TRAT1: variants seen among roughly 807,000 people sequenced by gnomAD.
The protein encoded by TRAT1 is T-cell receptor-associated transmembrane adapter 1.
A neutral mutation model predicts 20.0 loss-of-function variants in TRAT1; 20 were observed. The ratio of observed to expected loss-of-function variants is 1.00; its 90% confidence interval spans 0.70 to 1.45. The LOEUF (loss-of-function observed/expected upper bound fraction) is 1.45. TRAT1 is among the 40% of genes most tolerant of loss of function. The pLI is 0.00. For missense variants in TRAT1, 237 were observed against 224.1 expected, an observed-to-expected ratio of 1.06 and a Z score of -0.37; for synonymous variants, 77 against 74.2, an observed-to-expected ratio of 1.04 and a Z score of -0.20.
intron 1 of TRAT1, among the ~76,000 whole-genome samples, chr3:108,829,616 C>CACACACACACACACA (rs1204012891): frequency 6.6e-6 from 1 of 151,700 alleles, no homozygotes; most frequent in Non-Finnish European, 1.5e-5. Flanking sequence ...CACACACACA[C>CACACACACACACACA]AACGTTTTGG....
chr3:108,849,040 A>G (rs1163658303), intron 4 of TRAT1, 126 bp from the exon 5 acceptor site: 13 of 776,360 alleles, frequency 1.7e-5, no homozygotes, highest in Admixed American at 1.4e-4. Context: ...CTCCACCAAA[A>G]AGACTAGTTA....
chr3:108,823,979 C>T (rs1945714826), intron 1 of TRAT1, among the ~76,000 whole-genome samples: 1 of 152,006 alleles, frequency 6.6e-6, no homozygotes, highest in African/African-American at 2.4e-5. Flanking sequence ...TCAAGCGATT[C>T]TCCTGCCTCA....
At chr3:108,827,140 T>G (rs1576517215) in intron 1 of TRAT1, among the ~76,000 whole-genome samples, 2 of 152,310 alleles carry the variant, frequency 1.3e-5, no homozygotes, top group East Asian at 3.9e-4. Context: ...ACAGTGTAAA[T>G]AGCTGAATTC....
At chr3:108,849,120 A>G (rs764384998) in intron 4 of TRAT1, 46 bp from the exon 5 acceptor site, 17 of 1,517,848 alleles carry the variant, frequency 1.1e-5, no homozygotes, top group Non-Finnish European at 1.5e-5. Flanking sequence ...TCATACTAGT[A>G]TTTTTAAATT....
chr3:108,822,840 C>T lies in TRAT1; in HGVS notation c.-88C>T. ...TGCTGCTTTTAACATAACAGAGCAA[C>T]ATCACCTAGGAAAAAAGTTTGTAGG... On this transcript the variant is annotated 5_prime_UTR_variant, in exon 1 of 6. Transcript: ENST00000295756. The T allele has an allele frequency of 8.8e-7, 1 of 1,138,862 alleles. No homozygotes were observed. Among genetic ancestry groups the T allele is most frequent in the Non-Finnish European group, 1.3e-6 (1 of 757,008 alleles). 70.5% of individuals were successfully genotyped at this position (1,138,862 alleles called of 1,614,324 possible). A position where few individuals can be genotyped will look rare whatever the true frequency, so the allele number is the denominator to read the frequency against.
intron 3 of TRAT1, among the ~76,000 whole-genome samples, chr3:108,841,101 T>C (rs1945893410): frequency 6.6e-6 from 1 of 152,234 alleles, no homozygotes; most frequent in African/African-American, 2.4e-5. Context: ...CATTCTACAG[T>C]TATTCTTAAA....
chr3:108,836,941 T>C lies in TRAT1; in HGVS notation c.119-1993T>C, dbSNP rs531725717. 3.3e-5 allele frequency among the ~76,000 whole-genome samples: 5 copies of C among 152,308 alleles called. 1 individual carries two copies. In the South Asian group the frequency reaches 6.2e-4, roughly 19 times the overall value. On this transcript the variant is annotated intron_variant, in intron 2 of 5. Transcript: ENST00000295756. Reference sequence around the variant, plus strand: ...TTTAATTCCAGGCAAATCTGCAAAATAATTAGTGGCCTGAGTGTAAACATT... The same window carrying C: ...TTTAATTCCAGGCAAATCTGCAAAACAATTAGTGGCCTGAGTGTAAACATT...
intron 2 of TRAT1, among the ~76,000 whole-genome samples, chr3:108,837,399 G>A (rs962374155): frequency 5.9e-5 from 9 of 152,106 alleles, no homozygotes; most frequent in African/African-American, 1.7e-4. Context: ...TGACATGTCC[G>A]TTTCATCCTC....
At chr3:108,852,016 A>G (rs540785727) in intron 5 of TRAT1, among the ~76,000 whole-genome samples, 21 of 152,216 alleles carry the variant, frequency 1.4e-4, no homozygotes, top group Non-Finnish European at 2.8e-4. Flanking sequence ...TTAGGCAGCT[A>G]TTACAATTTT....
chr3:108,844,458 G>A (rs1220279026), intron 3 of TRAT1, among the ~76,000 whole-genome samples: 3,602 of 151,130 alleles, frequency 0.024, 132 homozygotes, highest in African/African-American at 0.08. Context: ...TATTTAAATG[G>A]ACTTTGATCA....
At chr3:108,832,600 T>A (rs1231506557) in intron 2 of TRAT1, among the ~76,000 whole-genome samples, 1 of 152,000 alleles carries the variant, frequency 6.6e-6, no homozygotes, top group East Asian at 1.9e-4. Flanking sequence ...ACAAAAAAAA[T>A]GTGAATTGAG....
intron 2 of TRAT1, 32 bp downstream of exon 2, chr3:108,830,812 C>T (rs1297225069): frequency 1.4e-6 from 2 of 1,398,006 alleles, no homozygotes; most frequent in Non-Finnish European, 2.0e-6. Context: ...CACATGGTAC[C>T]TGCTTGAATG....
chr3:108,850,537 G>A (rs554260463), intron 5 of TRAT1, among the ~76,000 whole-genome samples: 15 of 152,028 alleles, frequency 9.9e-5, no homozygotes, highest in Admixed American at 2.0e-4. Flanking sequence ...ACTCCCGACC[G>A]CAGTGATCCA....
intron 3 of TRAT1, among the ~76,000 whole-genome samples, chr3:108,842,953 TCACTTCTC>T (rs1051067950): frequency 6.6e-6 from 1 of 152,206 alleles, no homozygotes; most frequent in African/African-American, 2.4e-5. Context: ...ACTGCTGGAT[TCACTTCTC>T]AGCCTCAGTC....
At chr3:108,834,223 C>G (rs554038116) in intron 2 of TRAT1, among the ~76,000 whole-genome samples, 1 of 152,190 alleles carries the variant, frequency 6.6e-6, no homozygotes, top group Non-Finnish European at 1.5e-5. Context: ...TAGCTTATCA[C>G]AAAACCTTTT....
At chr3:108,852,483 A>G (rs1946006816) in intron 5 of TRAT1, among the ~76,000 whole-genome samples, 1 of 152,206 alleles carries the variant, frequency 6.6e-6, no homozygotes. Flanking sequence ...ATGTTTCACT[A>G]TTAACATGAA....
intron 3 of TRAT1, among the ~76,000 whole-genome samples, chr3:108,846,175 T>C (rs1945939914): frequency 6.6e-6 from 1 of 152,186 alleles, no homozygotes; most frequent in Non-Finnish European, 1.5e-5. Flanking sequence ...GCACTGCCAG[T>C]TACTGACTGT....
At chr3:108,834,855 G>A (rs1302276115) in intron 2 of TRAT1, among the ~76,000 whole-genome samples, 6 of 152,186 alleles carry the variant, frequency 3.9e-5, no homozygotes, top group Non-Finnish European at 5.9e-5. Flanking sequence ...GTAGCAGCTA[G>A]GTAGAAGCTT....
chr3:108,823,799 C>G (rs1945712672), intron 1 of TRAT1, among the ~76,000 whole-genome samples: 1 of 151,966 alleles, frequency 6.6e-6, no homozygotes, highest in Non-Finnish European at 1.5e-5. Flanking sequence ...TAAATGAATG[C>G]ACAAAAATGA....
Sources: gnomAD v4.1 joint callset for allele counts (sites outside exome capture counted in the v4.1 genomes callset) on GRCh38, gnomAD v4.1.1 for gene constraint, MANE v1.5 for transcripts, NCBI Gene and HGNC (gene_info 2026-07-23, HGNC 2026-07-21) for gene names.